Variants in PAAF1 observed in about 807,000 individuals in gnomAD.
PAAF1 encodes proteasomal ATPase-associated factor 1.
A neutral mutation model predicts 52.8 loss-of-function variants in PAAF1; 46 were observed. The ratio of observed to expected loss-of-function variants is 0.87; its 90% CI spans 0.69 to 1.11. PAAF1 has a LOEUF of 1.11. PAAF1 is among the 50% of genes most tolerant of loss of function. The pLI is 0.00. For synonymous variants in PAAF1, 178 were observed against 172.8 expected (o/e 1.03, Z -0.24); for missense variants, 424 against 477.4 (o/e 0.89, Z 1.04).
At chr11:73,922,036 C>T (rs2135231816) in intron 10 of PAAF1, 3 of 808,382 alleles carry the variant, frequency 3.7e-6, no homozygotes, top group Non-Finnish European at 6.3e-6. Context: ...TTGAAGAAGA[C>T]ATTGGCCTTG....
chr11:73,908,590 A>T (rs1385432205), intron 6 of PAAF1, among the ~76,000 whole-genome samples: 2 of 151,412 alleles, frequency 1.3e-5, no homozygotes, highest in Non-Finnish European at 2.9e-5. Flanking sequence ...GTACAGACAG[A>T]GTCATGCTGT....
intron 10 of PAAF1, among the ~76,000 whole-genome samples, chr11:73,923,572 G>T (rs1333334675): frequency 6.6e-6 from 1 of 152,090 alleles, no homozygotes; most frequent in African/African-American, 2.4e-5. Flanking sequence ...GTCTCACTCT[G>T]TCGCCCAGGC....
intron 6 of PAAF1, among the ~76,000 whole-genome samples, chr11:73,900,773 G>A (rs984471199): frequency 1.6e-4 from 24 of 152,106 alleles, no homozygotes; most frequent in African/African-American, 5.8e-4. Context: ...ACGAGGTCAG[G>A]AGATGGAGAC....
chr11:73,891,925 T>C (rs1949212792), intron 4 of PAAF1, among the ~76,000 whole-genome samples: 1 of 152,166 alleles, frequency 6.6e-6, no homozygotes, highest in African/African-American at 2.4e-5. Context: ...ATATAAAGCC[T>C]TTTCTACTAC....
At chr11:73,903,716 CA>C (rs34551219) in intron 6 of PAAF1, among the ~76,000 whole-genome samples, 28,336 of 131,022 alleles carry the variant, frequency 0.22, 2,786 homozygotes, top group African/African-American at 0.3. Flanking sequence ...ACTCTGTCTT[CA>C]AAAAAAAAAA....
At chr11:73,896,917 G>A (rs1212216139) in intron 4 of PAAF1, among the ~76,000 whole-genome samples, 3 of 150,122 alleles carry the variant, frequency 2.0e-5, no homozygotes, top group Non-Finnish European at 4.4e-5. Flanking sequence ...GCGGCTGGCC[G>A]GACGGGGGGG....
chr11:73,897,423 T>G (rs1214334859), intron 4 of PAAF1, among the ~76,000 whole-genome samples: 1 of 142,910 alleles, frequency 7.0e-6, no homozygotes, highest in African/African-American at 2.7e-5. Flanking sequence ...TCCTCACTTC[T>G]CAGACGGGGC....
At chr11:73,890,432 T>C (rs1949168472) in intron 3 of PAAF1, among the ~76,000 whole-genome samples, 2 of 152,090 alleles carry the variant, frequency 1.3e-5, no homozygotes, top group Non-Finnish European at 2.9e-5. Flanking sequence ...GAAAGACAGG[T>C]GATAATGACT....
At chr11:73,912,252 A>C (rs1949953402) in intron 7 of PAAF1, among the ~76,000 whole-genome samples, 1 of 152,204 alleles carries the variant, frequency 6.6e-6, no homozygotes, top group South Asian at 2.1e-4. Context: ...CATGTAAAGC[A>C]TAGACCTTTC....
chr11:73,920,757 G>C (rs899829681), intron 10 of PAAF1, among the ~76,000 whole-genome samples: 27 of 151,618 alleles, frequency 1.8e-4, no homozygotes, highest in African/African-American at 5.3e-4. Flanking sequence ...GAGGCTGAGG[G>C]AAGAGAATCA....
intron 1 of PAAF1, 25 bp from the exon 2 acceptor site, chr11:73,878,754 A>G (rs1403708537): frequency 1.2e-6 from 2 of 1,612,724 alleles, no homozygotes; most frequent in East Asian, 2.2e-5. Context: ...GGTAAGCCTA[A>G]TTAGGCTTTT....
intron 8 of PAAF1, 97 bp from the exon 9 acceptor site, chr11:73,916,448 C>A: frequency 1.4e-6 from 1 of 731,302 alleles, no homozygotes; most frequent in Non-Finnish European, 2.3e-6. Context: ...AAGAAAATAT[C>A]TCAAAATATA....
intron 1 of PAAF1, among the ~76,000 whole-genome samples, chr11:73,878,182 A>T (rs1948797041): frequency 6.6e-6 from 1 of 152,218 alleles, no homozygotes; most frequent in Non-Finnish European, 1.5e-5. Flanking sequence ...TGTGATAAGT[A>T]ATAAAGAACA....
intron 10 of PAAF1, chr11:73,922,055 G>T: frequency 1.2e-6 from 1 of 835,952 alleles, no homozygotes; most frequent in Non-Finnish European, 2.0e-6. Flanking sequence ...TGAACTAATA[G>T]ATGGCTTCAT....
At chr11:73,881,979 A>G (rs1948920246) in intron 2 of PAAF1, among the ~76,000 whole-genome samples, 1 of 152,008 alleles carries the variant, frequency 6.6e-6, no homozygotes, top group East Asian at 1.9e-4. Flanking sequence ...GATTCAAGCA[A>G]TTCTCCTGCC....
intron 10 of PAAF1, among the ~76,000 whole-genome samples, chr11:73,920,000 T>C (rs1234587377): frequency 6.6e-6 from 1 of 152,122 alleles, no homozygotes; most frequent in African/African-American, 2.4e-5. Flanking sequence ...GTCAGTGGTA[T>C]TCTGGATTGG....
intron 4 of PAAF1, among the ~76,000 whole-genome samples, chr11:73,892,627 C>T (rs1374253057): frequency 6.6e-6 from 1 of 152,062 alleles, no homozygotes; most frequent in African/African-American, 2.4e-5. Context: ...TGGGTTTTTA[C>T]ATTACATGCT....
At chr11:73,926,264 A>C (rs1400778328) in intron 11 of PAAF1, among the ~76,000 whole-genome samples, 1 of 151,624 alleles carries the variant, frequency 6.6e-6, no homozygotes, top group Admixed American at 6.6e-5. Flanking sequence ...GCGCCACCAC[A>C]CCCGGCTAAT....
At chr11:73,883,803 C>T (rs892305929) in intron 2 of PAAF1, among the ~76,000 whole-genome samples, 1 of 152,094 alleles carries the variant, frequency 6.6e-6, no homozygotes, top group Non-Finnish European at 1.5e-5. Context: ...TTACAGGCAA[C>T]TTAGTATAAT....
Sources: allele counts gnomAD v4.1 joint callset (sites outside exome capture counted in the v4.1 genomes callset), GRCh38; gene constraint gnomAD v4.1.1; transcripts MANE v1.5; gene names NCBI Gene and HGNC (gene_info 2026-07-23, HGNC 2026-07-21).